TENM3: variants seen among roughly 807,000 people sequenced by gnomAD.
The protein encoded by TENM3 is teneurin transmembrane protein 3.
A neutral mutation model predicts 255.1 loss-of-function variants in TENM3; 63 were observed. The observed-to-expected ratio is 0.25, with a 90% CI of 0.20 to 0.30. The LOEUF (loss-of-function observed/expected upper bound fraction) is 0.30. TENM3 is among the 10% of genes least tolerant of loss of function. The probability of loss-of-function intolerance (pLI) is 1.00; values close to 1 mark genes in which losing one functional copy is unlikely to be tolerated. For missense variants in TENM3, 2,929 were observed against 3,461.1 expected (o/e 0.85, Z 3.86); for synonymous variants, 1,306 against 1,322.3 (o/e 0.99, Z 0.27).
At chr4:181,642,563 G>A in the TENM3 span, among the ~76,000 whole-genome samples, 4 of 151,778 alleles carry the variant, frequency 2.6e-5, no homozygotes, top group African/African-American at 9.7e-5. Flanking sequence ...TGTCCTGAAT[G>A]GTATTGCCTA....
At chr4:182,448,067 G>A (rs1477170141) in intron 3 of TENM3, among the ~76,000 whole-genome samples, 1 of 152,254 alleles carries the variant, frequency 6.6e-6, no homozygotes, top group Non-Finnish European at 1.5e-5. Context: ...GTCCAGCCCT[G>A]GTATATCATG....
chr4:181,639,134 T>A, the TENM3 span, among the ~76,000 whole-genome samples: 1 of 152,166 alleles, frequency 6.6e-6, no homozygotes, highest in African/African-American at 2.4e-5. Flanking sequence ...TAGCAGAAAG[T>A]TCTTCTGGAC....
At chr4:181,533,750 A>C in the TENM3 span, among the ~76,000 whole-genome samples, 1 of 151,708 alleles carries the variant, frequency 6.6e-6, no homozygotes, top group Admixed American at 6.6e-5. Context: ...AAAAAAAAAA[A>C]CTTTCATTAG....
At chr4:182,268,022 A>T (rs1759352729) in intron 1 of TENM3, among the ~76,000 whole-genome samples, 1 of 152,170 alleles carries the variant, frequency 6.6e-6, no homozygotes, top group South Asian at 2.1e-4. Flanking sequence ...TAGAAATCTG[A>T]TCAGTATTCT....
At chr4:182,543,529 T>A (rs938243113) in intron 3 of TENM3, among the ~76,000 whole-genome samples, 14 of 152,178 alleles carry the variant, frequency 9.2e-5, no homozygotes, top group African/African-American at 3.4e-4. Flanking sequence ...ATTCTGCTTT[T>A]AATAACCTCT....
At chr4:182,464,719 AAG>A (rs1580644880) in intron 3 of TENM3, among the ~76,000 whole-genome samples, 2 of 152,222 alleles carry the variant, frequency 1.3e-5, no homozygotes, top group African/African-American at 2.4e-5. Context: ...ATGCTATGGA[AAG>A]AGATGATATC....
the TENM3 span, among the ~76,000 whole-genome samples, chr4:181,838,093 G>A: frequency 2.0e-4 from 30 of 150,770 alleles, no homozygotes; most frequent in Middle Eastern, 3.4e-3. Context: ...AGCAGAGATC[G>A]CGCCACTGCA....
the TENM3 span, among the ~76,000 whole-genome samples, chr4:181,841,143 A>T: frequency 6.6e-6 from 1 of 152,106 alleles, no homozygotes; most frequent in Non-Finnish European, 1.5e-5. Context: ...AGGGTCTTAA[A>T]TCTATGCATT....
chr4:182,702,195 G>A (rs980807302), intron 12 of TENM3, among the ~76,000 whole-genome samples: 2 of 152,082 alleles, frequency 1.3e-5, no homozygotes, highest in Admixed American at 1.3e-4. Flanking sequence ...ACCAGGAATT[G>A]TGCATCTAAC....
intron 3 of TENM3, among the ~76,000 whole-genome samples, chr4:182,392,025 C>G (rs1228242823): frequency 6.6e-6 from 1 of 152,084 alleles, no homozygotes; most frequent in Non-Finnish European, 1.5e-5. Flanking sequence ...TAGATTTTTC[C>G]CCATTTTTAG....
chr4:181,578,897 A>G, the TENM3 span, among the ~76,000 whole-genome samples: 22 of 152,334 alleles, frequency 1.4e-4, no homozygotes, highest in African/African-American at 4.8e-4. Context: ...ACTAGGGGCT[A>G]GAATTTCAAT....
chr4:182,069,400 C>T, the TENM3 span, among the ~76,000 whole-genome samples: 51,986 of 152,034 alleles, frequency 0.34, 11,108 homozygotes, highest in Non-Finnish European at 0.45. Flanking sequence ...ATTTTGCTCA[C>T]TGTAATTAGA....
chr4:181,626,343 G>A, the TENM3 span, among the ~76,000 whole-genome samples: 4 of 152,050 alleles, frequency 2.6e-5, no homozygotes, highest in African/African-American at 9.7e-5. Flanking sequence ...GGACTGTGTT[G>A]GTCCATTTTT....
chr4:182,651,257 G>GA (rs980572891), intron 5 of TENM3, among the ~76,000 whole-genome samples: 1 of 152,282 alleles, frequency 6.6e-6, no homozygotes, highest in African/African-American at 2.4e-5. Flanking sequence ...CTGAAACCCT[G>GA]AAAAATGTAT....
the TENM3 span, among the ~76,000 whole-genome samples, chr4:181,605,570 G>GGAA: frequency 1.2e-3 from 30 of 24,842 alleles, 4 homozygotes; most frequent in African/African-American, 2.8e-3. Flanking sequence ...AAGAAAGAAA[G>GGAA]AGAGAGAAAG....
chr4:181,689,374 A>T, the TENM3 span, among the ~76,000 whole-genome samples: 1 of 152,210 alleles, frequency 6.6e-6, no homozygotes, highest in Non-Finnish European at 1.5e-5. Context: ...TGTGTGACCC[A>T]ACTGGAAATC....
the TENM3 span, among the ~76,000 whole-genome samples, chr4:181,578,028 G>A: frequency 2.6e-5 from 4 of 152,064 alleles, no homozygotes; most frequent in African/African-American, 4.8e-5. Flanking sequence ...CAGCCCCCAC[G>A]TCTACTTACC....
chr4:182,014,204 A>AT, the TENM3 span, among the ~76,000 whole-genome samples: 3 of 150,022 alleles, frequency 2.0e-5, no homozygotes, highest in African/African-American at 7.3e-5. Context: ...ATATATATAA[A>AT]GTGTTAAAAC....
At chr4:182,458,451 A>C (rs1339487346) in intron 3 of TENM3, among the ~76,000 whole-genome samples, 1 of 152,158 alleles carries the variant, frequency 6.6e-6, no homozygotes, top group African/African-American at 2.4e-5. Flanking sequence ...TAGGAAGTTG[A>C]GTAAATTAGC....
Sources: gnomAD v4.1 joint callset for allele counts (sites outside exome capture counted in the v4.1 genomes callset) on GRCh38, gnomAD v4.1.1 for gene constraint, MANE v1.5 for transcripts, NCBI Gene and HGNC (gene_info 2026-07-23, HGNC 2026-07-21) for gene names.